ROBO2: variants seen among roughly 807,000 people sequenced by gnomAD.
The protein encoded by ROBO2 is roundabout homolog 2.
In ROBO2, 53 loss-of-function variants were observed where a neutral mutation model predicts 160.8. That is an observed-to-expected ratio of 0.33 (90% CI 0.26 to 0.41). The LOEUF is 0.41. Among genes scored for constraint, ROBO2 ranks in the 10% least tolerant of loss-of-function variants. The probability of loss-of-function intolerance (pLI) is 1.00; values close to 1 mark genes in which losing one functional copy is unlikely to be tolerated. For missense variants in ROBO2, 1,577 were observed against 1,722.4 expected (o/e 0.92, Z 1.49); for synonymous variants, 664 against 611.7 (o/e 1.09, Z -1.26).
At chr3:76,671,588 T>A (rs2092264245) in intron 2 of ROBO2, among the ~76,000 whole-genome samples, 1 of 152,152 alleles carries the variant, frequency 6.6e-6, no homozygotes, top group Admixed American at 6.6e-5. Flanking sequence ...TCACATATAA[T>A]GTTTCCTTGC....
intron 2 of ROBO2, among the ~76,000 whole-genome samples, chr3:77,355,990 A>T (rs544952606): frequency 6.6e-6 from 1 of 152,068 alleles, no homozygotes; most frequent in Non-Finnish European, 1.5e-5. Flanking sequence ...TCCAATATAC[A>T]TATAAAAATA....
chr3:76,813,650 TTAAAA>T (rs2065396469), intron 2 of ROBO2, among the ~76,000 whole-genome samples: 1 of 152,114 alleles, frequency 6.6e-6, no homozygotes, highest in Non-Finnish European at 1.5e-5. Context: ...TTACTCTATG[TTAAAA>T]TAAAATAGCG....
chr3:77,464,922 T>C (rs560688892), intron 2 of ROBO2, among the ~76,000 whole-genome samples: 242 of 152,296 alleles, frequency 1.6e-3, no homozygotes, highest in South Asian at 4.6e-3. Context: ...AAGGGCAGTA[T>C]TAAACATGTG....
At chr3:76,827,127 A>C (rs982490779) in intron 2 of ROBO2, among the ~76,000 whole-genome samples, 1 of 152,134 alleles carries the variant, frequency 6.6e-6, no homozygotes, top group African/African-American at 2.4e-5. Context: ...TTGTGGGAGT[A>C]AATCACAAGA....
At chr3:77,208,947 T>A (rs1460177770) in intron 2 of ROBO2, among the ~76,000 whole-genome samples, 1 of 152,176 alleles carries the variant, frequency 6.6e-6, no homozygotes. Flanking sequence ...TAACCTGATA[T>A]GTTTCATATA....
At chr3:76,355,475 T>C (rs1343911048) in intron 2 of ROBO2, among the ~76,000 whole-genome samples, 1 of 151,782 alleles carries the variant, frequency 6.6e-6, no homozygotes, top group African/African-American at 2.4e-5. Context: ...AATCAAATTG[T>C]GAATATCAGG....
chr3:76,604,559 T>C (rs2087490302), intron 2 of ROBO2, among the ~76,000 whole-genome samples: 2 of 152,192 alleles, frequency 1.3e-5, no homozygotes, highest in Admixed American at 1.3e-4. Context: ...TGTGTCCCTA[T>C]TGGCCTAACT....
intron 5 of ROBO2, among the ~76,000 whole-genome samples, chr3:77,516,948 C>T (rs542148892): frequency 3.3e-5 from 5 of 151,584 alleles, no homozygotes; most frequent in East Asian, 2.0e-4. Context: ...ATTCATTGAA[C>T]GCCTCCAATA....
At chr3:77,639,432 T>A (rs1186681843) in intron 24 of ROBO2, among the ~76,000 whole-genome samples, 1 of 151,886 alleles carries the variant, frequency 6.6e-6, no homozygotes, top group Non-Finnish European at 1.5e-5. Context: ...GAAGTATAGG[T>A]GTAGGGAGGA....
intron 2 of ROBO2, among the ~76,000 whole-genome samples, chr3:76,659,210 A>G (rs2091711534): frequency 6.6e-6 from 1 of 151,170 alleles, no homozygotes; most frequent in Admixed American, 6.6e-5. Flanking sequence ...ATGATGATTT[A>G]TTGTAATGCA....
At chr3:76,244,620 T>TAG (rs1476156185) in intron 2 of ROBO2, among the ~76,000 whole-genome samples, 1 of 152,210 alleles carries the variant, frequency 6.6e-6, no homozygotes, top group East Asian at 1.9e-4. Context: ...CTGCCTAACT[T>TAG]ACGGCCTAAT....
At position 76,839,955 on chromosome 3, in the gene ROBO2, T is replaced by C. The variant is rs951788809; in HGVS notation, c.110-258059T>C. On this transcript the variant is annotated intron_variant, in intron 2 of 26. Transcript: ENST00000487694. Reference sequence around the variant, plus strand: ...TTAGATTTTCTAATTTATTCACATATAGTTGCTCATAGGTACCTCTACTAA... The same window carrying C: ...TTAGATTTTCTAATTTATTCACATACAGTTGCTCATAGGTACCTCTACTAA... Among the ~76,000 whole-genome samples the C allele has an allele frequency of 5.3e-5, 8 of 152,336 alleles. No individual in the cohort carries two copies. The East Asian group carries it at 1.5e-3, about 29-fold the overall frequency.
chr3:76,006,915 G>A (rs991061636), intron 2 of ROBO2, among the ~76,000 whole-genome samples: 1 of 151,800 alleles, frequency 6.6e-6, no homozygotes, highest in Non-Finnish European at 1.5e-5. Flanking sequence ...TTGAACAAAA[G>A]GCATACAATT....
intron 2 of ROBO2, among the ~76,000 whole-genome samples, chr3:76,219,511 C>T (rs1054329860): frequency 3.7e-4 from 57 of 152,212 alleles, no homozygotes; most frequent in East Asian, 9.7e-4. Flanking sequence ...AAAAAGTGGG[C>T]GAAGGACATG....
intron 2 of ROBO2, among the ~76,000 whole-genome samples, chr3:77,301,655 C>T (rs575412575): frequency 1.8e-4 from 27 of 152,342 alleles, no homozygotes; most frequent in Admixed American, 5.2e-4. Flanking sequence ...TAGGCATAAA[C>T]ACTCCACTGA....
At chr3:76,860,214 C>G (rs2070600387) in intron 2 of ROBO2, among the ~76,000 whole-genome samples, 1 of 152,180 alleles carries the variant, frequency 6.6e-6, no homozygotes, top group Non-Finnish European at 1.5e-5. Context: ...GCTATTCCCA[C>G]TATACCCCCG....
At chr3:77,052,225 C>T (rs1299701971) in intron 1 of ROBO2, among the ~76,000 whole-genome samples, 1 of 152,134 alleles carries the variant, frequency 6.6e-6, no homozygotes, top group Non-Finnish European at 1.5e-5. Context: ...TCCAATATGT[C>T]CACTTTGCTC....
chr3:77,235,355 A>T (rs376232660), intron 2 of ROBO2, among the ~76,000 whole-genome samples: 1,438 of 143,784 alleles, frequency 0.01, 8 homozygotes, highest in Middle Eastern at 0.04. Context: ...AGAGGAGAAT[A>T]TTTTTTTTTT....
At chr3:76,692,371 G>A (rs796393164) in intron 2 of ROBO2, among the ~76,000 whole-genome samples, 1 of 152,098 alleles carries the variant, frequency 6.6e-6, no homozygotes, top group African/African-American at 2.4e-5. Context: ...CCCCAGTGCT[G>A]GTTACAGGCC....
Sources: gnomAD v4.1 joint callset for allele counts (sites outside exome capture counted in the v4.1 genomes callset) on GRCh38, gnomAD v4.1.1 for gene constraint, MANE v1.5 for transcripts, NCBI Gene and HGNC (gene_info 2026-07-23, HGNC 2026-07-21) for gene names.